CPEB3: variants seen among roughly 807,000 people sequenced by gnomAD.
The protein encoded by CPEB3 is cytoplasmic polyadenylation element-binding protein 3.
In CPEB3, 20 loss-of-function variants were observed where a neutral mutation model predicts 67.2. The observed-to-expected ratio is 0.30, with a 90% CI of 0.21 to 0.43. The LOEUF (loss-of-function observed/expected upper bound fraction) is 0.43, where lower values mean the gene tolerates loss of function less well. CPEB3 is among the 20% of genes least tolerant of loss of function. The pLI, the probability that CPEB3 is intolerant of heterozygous loss-of-function variation, is 1.00. For synonymous variants in CPEB3, 376 were observed against 393.1 expected (o/e 0.96, Z 0.51); for missense variants, 746 against 968.6 (o/e 0.77, Z 3.05).
At chr10:92,111,728 T>C (rs1844752401) in intron 6 of CPEB3, among the ~76,000 whole-genome samples, 1 of 152,206 alleles carries the variant, frequency 6.6e-6, no homozygotes, top group South Asian at 2.1e-4. Context: ...TTTTCTAAAA[T>C]TGATTGTGCT....
rs1361950705 is a variant in CPEB3, at chr10:92,142,946, C to G, written c.1453+83G>C. Reference sequence around the variant, plus strand: ...GGGGGAAAAAATTCAACAGCTATTTCAAGAGTTAAAAGGCTGCCTTTTATT... The same window carrying G: ...GGGGGAAAAAATTCAACAGCTATTTGAAGAGTTAAAAGGCTGCCTTTTATT... On this transcript the variant is annotated intron_variant, in intron 6 of 9. Coordinates refer to ENST00000265997, the MANE Select transcript of CPEB3 (RefSeq NM_014912.5). 2.0e-5 allele frequency: 18 copies of G among 895,360 alleles called. No individual in the cohort carries two copies. In the South Asian group the frequency reaches 2.8e-4, roughly 14 times the overall value. 55.5% of individuals were successfully genotyped at this position (895,360 alleles called of 1,614,324 possible).
intron 1 of CPEB3, among the ~76,000 whole-genome samples, chr10:92,263,899 A>G (rs1852921817): frequency 6.6e-6 from 1 of 152,130 alleles, no homozygotes; most frequent in Admixed American, 6.5e-5. Flanking sequence ...GTTTATACTA[A>G]CTAGCATTCC....
rs1841855042 is a variant in CPEB3, at chr10:92,050,216, T to C, written c.*1996A>G. The C allele has an allele frequency of 6.6e-6, 1 of 152,406 alleles. No individual in the cohort carries two copies. 9.4% of individuals were successfully genotyped at this position (152,406 alleles called of 1,614,324 possible). On this transcript the variant is annotated 3_prime_UTR_variant, in exon 10 of 10. Coordinates refer to ENST00000265997, the MANE Select transcript of CPEB3 (RefSeq NM_014912.5). ...CACCTGGGCTGGAAAAAAGCAATTATTACCAAAAAGCCTCAAAAAGGGGAG... is the reference window on the plus strand; with the variant it reads ...CACCTGGGCTGGAAAAAAGCAATTACTACCAAAAAGCCTCAAAAAGGGGAG...
chr10:92,091,552 GTTA>G (rs1843619469), intron 8 of CPEB3, among the ~76,000 whole-genome samples: 1 of 151,926 alleles, frequency 6.6e-6, no homozygotes, highest in East Asian at 1.9e-4. Flanking sequence ...TGCCAAATGT[GTTA>G]TTATTTTTTA....
At chr10:92,263,875 C>G (rs567032832) in intron 1 of CPEB3, among the ~76,000 whole-genome samples, 13 of 152,052 alleles carry the variant, frequency 8.5e-5, no homozygotes, top group Non-Finnish European at 1.6e-4. Flanking sequence ...ATTTCCTCAT[C>G]ATCTGGTGAT....
intron 7 of CPEB3, among the ~76,000 whole-genome samples, chr10:92,097,275 A>G (rs1381380318): frequency 6.6e-6 from 1 of 152,260 alleles, no homozygotes; most frequent in African/African-American, 2.4e-5. Flanking sequence ...GTCACTATAC[A>G]GGCTAAATAA....
intron 4 of CPEB3, among the ~76,000 whole-genome samples, chr10:92,174,274 C>A (rs1205631264): frequency 6.6e-6 from 1 of 152,222 alleles, no homozygotes; most frequent in Non-Finnish European, 1.5e-5. Flanking sequence ...GCTCTGCAGC[C>A]ACACAGGGGT....
At chr10:92,274,720 A>G (rs1287099354) in intron 1 of CPEB3, among the ~76,000 whole-genome samples, 1 of 152,140 alleles carries the variant, frequency 6.6e-6, no homozygotes, top group Non-Finnish European at 1.5e-5. Context: ...GCACGCCTAT[A>G]ATCCCAGCTA....
intron 1 of CPEB3, among the ~76,000 whole-genome samples, chr10:92,252,040 C>A (rs11186874): frequency 0.012 from 1,837 of 151,496 alleles, 35 homozygotes; most frequent in African/African-American, 0.039. Context: ...TGCTCTCTCT[C>A]TCTATATATA....
intron 4 of CPEB3, among the ~76,000 whole-genome samples, chr10:92,145,655 T>C (rs532542636): frequency 6.7e-6 from 1 of 149,790 alleles, no homozygotes; most frequent in Non-Finnish European, 1.5e-5. Flanking sequence ...AAAAAAAGCA[T>C]CAAAATTTCA....
At chr10:92,246,965 C>A (rs1852098299) in intron 1 of CPEB3, among the ~76,000 whole-genome samples, 1 of 152,154 alleles carries the variant, frequency 6.6e-6, no homozygotes, top group Admixed American at 6.5e-5. Flanking sequence ...TTGGCTCTAA[C>A]CCTTGTTAAA....
At chr10:92,211,689 AC>A (rs1334403616) in intron 2 of CPEB3, among the ~76,000 whole-genome samples, 1 of 151,760 alleles carries the variant, frequency 6.6e-6, no homozygotes, top group Non-Finnish European at 1.5e-5. Context: ...GGAGCCCGCC[AC>A]CACACCAGGT....
chr10:92,076,578 A>T (rs1842942614), intron 9 of CPEB3, among the ~76,000 whole-genome samples: 1 of 151,968 alleles, frequency 6.6e-6, no homozygotes, highest in African/African-American at 2.4e-5. Flanking sequence ...TGGCTAATTT[A>T]AAAAAACTCT....
chr10:92,153,080 A>T (rs1438690407), intron 4 of CPEB3, among the ~76,000 whole-genome samples: 1 of 152,216 alleles, frequency 6.6e-6, no homozygotes, highest in Non-Finnish European at 1.5e-5. Context: ...ATTTTCAGAT[A>T]TTACAACCAT....
At chr10:92,076,634 G>A (rs539021728) in intron 9 of CPEB3, among the ~76,000 whole-genome samples, 1 of 152,008 alleles carries the variant, frequency 6.6e-6, no homozygotes, top group Non-Finnish European at 1.5e-5. Flanking sequence ...GGTTGGTCTC[G>A]AACTTCTGGG....
chr10:92,074,040 T>C (rs951600808), intron 9 of CPEB3, among the ~76,000 whole-genome samples: 10 of 152,180 alleles, frequency 6.6e-5, no homozygotes, highest in African/African-American at 2.4e-4. Flanking sequence ...CAGTTGGATA[T>C]GTGAAAGAAT....
At chr10:92,176,953 T>C (rs1424030132) in intron 4 of CPEB3, among the ~76,000 whole-genome samples, 1 of 152,210 alleles carries the variant, frequency 6.6e-6, no homozygotes, top group Non-Finnish European at 1.5e-5. Flanking sequence ...ATGAGATTTG[T>C]TTTAAGACAA....
chr10:92,242,090 AAGT>A (rs1391857315), intron 1 of CPEB3, among the ~76,000 whole-genome samples: 1 of 152,250 alleles, frequency 6.6e-6, no homozygotes, highest in Non-Finnish European at 1.5e-5. Flanking sequence ...ATGGGATTAA[AAGT>A]AGTTCTATTA....
At chr10:92,185,853 T>C (rs1262750810) in intron 3 of CPEB3, among the ~76,000 whole-genome samples, 1 of 152,200 alleles carries the variant, frequency 6.6e-6, no homozygotes, top group Non-Finnish European at 1.5e-5. Flanking sequence ...TGTAAAAATA[T>C]AGTAAACTGT....
Sources: gnomAD v4.1 joint callset for allele counts (sites outside exome capture counted in the v4.1 genomes callset) on GRCh38, gnomAD v4.1.1 for gene constraint, MANE v1.5 for transcripts, NCBI Gene and HGNC (gene_info 2026-07-23, HGNC 2026-07-21) for gene names.